Variants in KCTD16 observed in about 807,000 individuals in gnomAD.
The protein encoded by KCTD16 is potassium channel tetramerization domain containing 16, also known as BTB/POZ domain-containing protein KCTD16.
Under a neutral mutation model 33.2 loss-of-function variants are expected in KCTD16, and 13 were observed. The observed-to-expected ratio is 0.39, with a 90% CI of 0.25 to 0.62. The LOEUF (loss-of-function observed/expected upper bound fraction) is 0.62, where lower values mean the gene tolerates loss of function less well. KCTD16 is among the 20% of genes least tolerant of loss of function. KCTD16 has a pLI of 0.50. For synonymous variants in KCTD16, 197 were observed against 195.3 expected (o/e 1.01, Z -0.07); for missense variants, 441 against 525.1 (o/e 0.84, Z 1.57).
chr5:144,413,173 G>A (rs916207013), intron 3 of KCTD16, among the ~76,000 whole-genome samples: 1 of 152,138 alleles, frequency 6.6e-6, no homozygotes, highest in Non-Finnish European at 1.5e-5. Flanking sequence ...AGGTCATTAG[G>A]TTAAAATGAG....
intron 3 of KCTD16, among the ~76,000 whole-genome samples, chr5:144,245,980 G>A (rs1462317817): frequency 6.6e-6 from 1 of 152,158 alleles, no homozygotes; most frequent in Non-Finnish European, 1.5e-5. Flanking sequence ...ACACAAGATG[G>A]CATTGAGATT....
At position 144,392,418 on chromosome 5, in the gene KCTD16, A is replaced by C. The variant is rs145251157; in HGVS notation, c.833-81242A>C. On this transcript the variant is annotated intron_variant, in intron 3 of 3. Coordinates refer to ENST00000512467, the MANE Select transcript of KCTD16 (RefSeq NM_020768.4). ...CAATCTCATTATAAGCTAAATGCAA[A>C]GTCATTGAAGTGTATGGAAGCATGA... 2.0e-3 allele frequency among the ~76,000 whole-genome samples: 304 copies of C among 152,322 alleles called. 6 individuals carry two copies. Among genetic ancestry groups the C allele is most frequent in the Admixed American group, 0.017 (258 of 15,298 alleles).
At chr5:144,355,806 C>G (rs893408718) in intron 3 of KCTD16, among the ~76,000 whole-genome samples, 1 of 152,104 alleles carries the variant, frequency 6.6e-6, no homozygotes, top group Non-Finnish European at 1.5e-5. Context: ...ATTTCTGGCT[C>G]GCTTTTTCAT....
chr5:144,484,052 T>C lies in KCTD16; in HGVS notation c.*9938T>C, dbSNP rs1754756312. 6.6e-6 allele frequency: 1 copy of C among 151,368 alleles called. No individual in the cohort carries two copies. Among genetic ancestry groups the C allele is most frequent in the African/African-American group, 2.4e-5 (1 of 40,884 alleles). The allele number at this position is 151,368 out of a possible 1,614,324, so 9.4% of individuals were successfully genotyped here. The stretch of plus-strand genomic sequence containing the variant: ...AACTTCATGTTCCTCTGTCATTTTA[T>C]TTTATTTATTTATTTTTAATTCCAA... On this transcript the variant is annotated 3_prime_UTR_variant, in exon 4 of 4. Transcript: ENST00000512467.
chr5:144,482,110 C>G lies in KCTD16; in HGVS notation c.*7996C>G, dbSNP rs1192580866. ...CTAAAGGCTGCTGGCTTAACCATCT[C>G]TTTGTACAATCTGTTCTCTCTGTTC... On this transcript the variant is annotated 3_prime_UTR_variant, in exon 4 of 4. Transcript: ENST00000512467. The G allele has an allele frequency of 6.6e-6, 1 of 151,956 alleles. No homozygotes were observed. The highest frequency in any genetic ancestry group is 1.5e-5 in the Non-Finnish European group (1 of 67,952). The allele number at this position is 151,956 out of a possible 1,614,324, so 9.4% of individuals were successfully genotyped here. A position where few individuals can be genotyped will look rare whatever the true frequency, so the allele number is the denominator to read the frequency against.
At chr5:144,393,290 C>A (rs1454562431) in intron 3 of KCTD16, among the ~76,000 whole-genome samples, 1 of 152,094 alleles carries the variant, frequency 6.6e-6, no homozygotes, top group Non-Finnish European at 1.5e-5. Context: ...TAGTTACTTC[C>A]TTTACTCATT....
chr5:144,207,135 G>A lies in KCTD16; in HGVS notation c.421G>A (p.Asp141Asn), dbSNP rs780514964. 1 of 1,611,128 alleles carries A rather than the reference G, an allele frequency of 6.2e-7. No individual in the cohort carries two copies. Among genetic ancestry groups the A allele is most frequent in the South Asian group, 1.1e-5 (1 of 90,560 alleles). ...PDEFCHSDFEDASQGSDTRIC... is the reference protein window; with the variant it reads ...PDEFCHSDFENASQGSDTRIC... ...TGAATTCTGCCACAGTGACTTTGAA[G>A]ATGCCTCCCAAGGAAGCGACACAAG... The change falls in exon 3 of 4, where the codon GAT (aspartate) becomes AAT (asparagine). Residue 141 changes from aspartate (D) to asparagine (N), a missense_variant. Transcript: ENST00000512467.
At chr5:144,411,568 A>G (rs1487609292) in intron 3 of KCTD16, among the ~76,000 whole-genome samples, 1 of 152,216 alleles carries the variant, frequency 6.6e-6, no homozygotes, top group Non-Finnish European at 1.5e-5. Context: ...CAAGACCTGC[A>G]ATTATTGAAG....
intron 3 of KCTD16, among the ~76,000 whole-genome samples, chr5:144,325,651 C>T (rs150617329): frequency 6.6e-6 from 1 of 152,236 alleles, no homozygotes; most frequent in African/African-American, 2.4e-5. Flanking sequence ...TTTCAAGTTT[C>T]AGCCTGGGTA....
chr5:144,212,384 TC>T (rs917354039), intron 3 of KCTD16, among the ~76,000 whole-genome samples: 7 of 152,136 alleles, frequency 4.6e-5, no homozygotes, highest in Non-Finnish European at 8.8e-5. Flanking sequence ...GTCTGTGGCA[TC>T]AGGGAAGGTA....
At chr5:144,301,888 CAT>C (rs1751453018) in intron 3 of KCTD16, among the ~76,000 whole-genome samples, 1 of 152,142 alleles carries the variant, frequency 6.6e-6, no homozygotes, top group Admixed American at 6.5e-5. Flanking sequence ...AATTTTATTT[CAT>C]GTTTATTTTA....
At chr5:144,386,205 T>C (rs551696922) in intron 3 of KCTD16, among the ~76,000 whole-genome samples, 1 of 152,310 alleles carries the variant, frequency 6.6e-6, no homozygotes, top group African/African-American at 2.4e-5. Flanking sequence ...TCTCAGTTGA[T>C]TGGAAAGGGC....
intron 3 of KCTD16, among the ~76,000 whole-genome samples, chr5:144,242,866 T>A (rs1193365122): frequency 1.3e-5 from 2 of 152,202 alleles, no homozygotes; most frequent in Non-Finnish European, 2.9e-5. Flanking sequence ...TCTAACCCCA[T>A]GACCTAAGAC....
chr5:144,427,028 TTC>T (rs1753347190), intron 3 of KCTD16, among the ~76,000 whole-genome samples: 1 of 152,170 alleles, frequency 6.6e-6, no homozygotes, highest in South Asian at 2.1e-4. Flanking sequence ...GTCTTTCGTA[TTC>T]TCTGTTCCCT....
chr5:144,348,441 G>A (rs980777323), intron 3 of KCTD16, among the ~76,000 whole-genome samples: 3 of 152,172 alleles, frequency 2.0e-5, no homozygotes, highest in Non-Finnish European at 4.4e-5. Context: ...GCCCAGCCAC[G>A]ATGTCTGACT....
chr5:144,409,242 G>T (rs998795173), intron 3 of KCTD16, among the ~76,000 whole-genome samples: 1 of 152,084 alleles, frequency 6.6e-6, no homozygotes, highest in African/African-American at 2.4e-5. Context: ...ATTTGAAGCC[G>T]ATTTCTGTGT....
At chr5:144,458,648 T>C (rs1231835929) in intron 3 of KCTD16, among the ~76,000 whole-genome samples, 2 of 152,186 alleles carry the variant, frequency 1.3e-5, no homozygotes, top group Non-Finnish European at 2.9e-5. Flanking sequence ...AGAAATCTAT[T>C]AGAGACTCTC....
At chr5:144,303,777 C>A (rs1189256540) in intron 3 of KCTD16, among the ~76,000 whole-genome samples, 1 of 152,166 alleles carries the variant, frequency 6.6e-6, no homozygotes, top group Admixed American at 6.5e-5. Flanking sequence ...GAGGTCATTT[C>A]TCCTCTCCTG....
chr5:144,455,173 T>C (rs1389755039), intron 3 of KCTD16, among the ~76,000 whole-genome samples: 1 of 151,994 alleles, frequency 6.6e-6, no homozygotes, highest in East Asian at 2.0e-4. Flanking sequence ...CAGAGGCGCA[T>C]TGAGGAGTGT....
Sources: allele counts gnomAD v4.1 joint callset (sites outside exome capture counted in the v4.1 genomes callset), GRCh38; gene constraint gnomAD v4.1.1; transcripts MANE v1.5; gene names NCBI Gene and HGNC (gene_info 2026-07-23, HGNC 2026-07-21).